Variants in ARMH4 observed in about 807,000 individuals in gnomAD.
ARMH4 encodes armadillo-like helical domain-containing protein 4.
A neutral mutation model predicts 61.9 loss-of-function variants in ARMH4; 49 were observed. The ratio of observed to expected loss-of-function variants is 0.79; its 90% CI spans 0.63 to 1.00. ARMH4 has a LOEUF of 1.00. ARMH4 is among the 50% of genes least tolerant of loss of function. The pLI, the probability that ARMH4 is intolerant of heterozygous loss-of-function variation, is 0.00. For missense variants in ARMH4, 934 were observed against 930.0 expected (o/e 1.00, Z -0.06); for synonymous variants, 368 against 341.5 (o/e 1.08, Z -0.85).
intron 5 of ARMH4, among the ~76,000 whole-genome samples, chr14:58,023,859 A>G (rs1882930207): frequency 6.6e-6 from 1 of 152,234 alleles, no homozygotes; most frequent in African/African-American, 2.4e-5. Flanking sequence ...TTCTTGGGTA[A>G]CTAGGTACAT....
At chr14:58,140,181 G>A (rs948343181) in intron 1 of ARMH4, among the ~76,000 whole-genome samples, 8 of 151,118 alleles carry the variant, frequency 5.3e-5, no homozygotes, top group African/African-American at 1.7e-4. Context: ...AGACTGAGGC[G>A]AGAGAATCGC....
chr14:58,131,677 C>G lies in ARMH4; in HGVS notation c.1666G>C (p.Val556Leu), dbSNP rs779132277. ...GGAGGTGTCACTGGAGATCCCAGAACTGGTGTGAACTCCTCATTTGGCCCT... is the reference window on the plus strand; with the variant it reads ...GGAGGTGTCACTGGAGATCCCAGAAGTGGTGTGAACTCCTCATTTGGCCCT... The part of the protein sequence containing the change: ...VTGPNEEFTP[V>L]LGSPVTPPGI... The change falls in exon 4 of 8, where the codon GTT (valine) becomes CTT (leucine). Residue 556 changes from valine to leucine, a missense_variant. Val to Leu is a conservative substitution (Grantham distance 32). Transcript: ENST00000267485. 1 of 1,613,670 alleles carries G rather than the reference C, an allele frequency of 6.2e-7. No homozygotes were observed.
At chr14:58,092,351 C>T (rs896316775) in intron 5 of ARMH4, among the ~76,000 whole-genome samples, 1 of 152,300 alleles carries the variant, frequency 6.6e-6, no homozygotes, top group Non-Finnish European at 1.5e-5. Flanking sequence ...AAAAAGTATA[C>T]GTAATTTTAC....
intron 5 of ARMH4, among the ~76,000 whole-genome samples, chr14:58,074,517 A>C (rs767784247): frequency 1.7e-4 from 26 of 151,782 alleles, no homozygotes; most frequent in Non-Finnish European, 3.1e-4. Flanking sequence ...AAGTCTAGAC[A>C]ATCAACAAAA....
At chr14:58,041,697 T>C (rs1393928973) in intron 5 of ARMH4, among the ~76,000 whole-genome samples, 2 of 152,046 alleles carry the variant, frequency 1.3e-5, no homozygotes, top group Middle Eastern at 3.4e-3. Context: ...ATTCAGGAAA[T>C]CCATCTCATG....
intron 2 of ARMH4, among the ~76,000 whole-genome samples, chr14:58,137,486 C>T (rs1269515083): frequency 7.7e-6 from 1 of 130,244 alleles, no homozygotes; most frequent in Non-Finnish European, 1.9e-5. Flanking sequence ...CAACCTCCGC[C>T]TTCCCAGGTT....
chr14:58,022,930 T>C (rs971721148), intron 5 of ARMH4, among the ~76,000 whole-genome samples: 3 of 152,244 alleles, frequency 2.0e-5, no homozygotes, highest in Middle Eastern at 3.2e-3. Flanking sequence ...ATTTGCACTA[T>C]AGTATAGTCT....
chr14:58,137,978 T>G lies in ARMH4; in HGVS notation c.1369+12A>C, dbSNP rs1478468554. ...TTAAACCAAAGTTTGTTTTTCTTTT[T>G]CTTTCTTTTACCTTTCATTGTATTT... On this transcript the variant is annotated intron_variant, in intron 2 of 7. Coordinates refer to ENST00000267485, the MANE Select transcript of ARMH4 (RefSeq NM_001001872.4). The G allele has an allele frequency of 3.3e-5, 52 of 1,566,194 alleles. No homozygotes were observed. The highest frequency in any genetic ancestry group is 4.4e-5 in the Non-Finnish European group (51 of 1,156,680).
In ARMH4 at chr14:58,133,152, A is replaced by T. The variant is rs763531636; in HGVS notation, c.1559T>A (p.Leu520Gln). 6.2e-7 allele frequency: 1 copy of T among 1,614,086 alleles called. No individual in the cohort carries two copies. The highest frequency in any genetic ancestry group is 8.5e-7 in the Non-Finnish European group (1 of 1,180,042). ...GACTGTAGTTGAAATTGTAGTGGCC[A>T]GAGGCTCCCATCTTCTTGACAGCTG... ...VTQLSRRWEP[L>Q]ATTISTTVVP... The change falls in exon 3 of 8, where the codon CTG (leucine) becomes CAG (glutamine). Residue 520 changes from leucine to glutamine, a missense_variant. Coordinates refer to ENST00000267485, the MANE Select transcript of ARMH4 (RefSeq NM_001001872.4).
intron 1 of ARMH4, among the ~76,000 whole-genome samples, chr14:58,145,062 T>C (rs1364488695): frequency 6.6e-6 from 1 of 152,210 alleles, no homozygotes; most frequent in Non-Finnish European, 1.5e-5. Flanking sequence ...CCTAAACAAA[T>C]ACTTTTTCTA....
intron 5 of ARMH4, among the ~76,000 whole-genome samples, chr14:58,087,032 A>G (rs8019367): frequency 0.43 from 65,283 of 152,004 alleles, 14,270 homozygotes; most frequent in Non-Finnish European, 0.47. Context: ...TAAATATACC[A>G]AGAGTATATA....
intron 6 of ARMH4, among the ~76,000 whole-genome samples, chr14:58,009,287 A>G (rs961602650): frequency 2.0e-5 from 3 of 152,160 alleles, no homozygotes; most frequent in African/African-American, 4.8e-5. Context: ...TAAGAATGAC[A>G]GTGCTTTTAT....
Position 58,004,914 on chromosome 14 carries a change from C to T in ARMH4, c.2257-110G>A. ...ACAAACGAAGCCAAGGCAGGAGCTACAGCAGCTAATCCAGACCACTGGGCA... is the reference window on the plus strand; with the variant it reads ...ACAAACGAAGCCAAGGCAGGAGCTATAGCAGCTAATCCAGACCACTGGGCA... On this transcript the variant is annotated intron_variant, in intron 7 of 7. Coordinates refer to ENST00000267485, the MANE Select transcript of ARMH4 (RefSeq NM_001001872.4). 2.0e-6 allele frequency: 3 copies of T among 1,515,782 alleles called. No individual in the cohort carries two copies. The South Asian group carries it at 3.5e-5, about 18-fold the overall frequency. The allele number at this position is 1,515,782 out of a possible 1,614,324, so 93.9% of individuals were successfully genotyped here.
At chr14:58,122,643 T>C (rs1299224593) in intron 4 of ARMH4, among the ~76,000 whole-genome samples, 1 of 152,064 alleles carries the variant, frequency 6.6e-6, no homozygotes, top group Non-Finnish European at 1.5e-5. Flanking sequence ...GCCACCGCTT[T>C]AGTCATGGCC....
chr14:58,034,209 C>G (rs1883379945), intron 5 of ARMH4, among the ~76,000 whole-genome samples: 1 of 136,486 alleles, frequency 7.3e-6, no homozygotes, highest in African/African-American at 2.8e-5. Flanking sequence ...GATCTCTCGG[C>G]AGAAACCCTA....
At chr14:58,040,649 G>C (rs978189145) in intron 5 of ARMH4, among the ~76,000 whole-genome samples, 1 of 152,102 alleles carries the variant, frequency 6.6e-6, no homozygotes, top group African/African-American at 2.4e-5. Context: ...CTTTATGATA[G>C]AATGATATAC....
intron 1 of ARMH4, among the ~76,000 whole-genome samples, chr14:58,151,241 T>C (rs577834495): frequency 1.3e-5 from 2 of 152,292 alleles, no homozygotes; most frequent in African/African-American, 2.4e-5. Flanking sequence ...CCCAAACTCT[T>C]AAGGGTCCTG....
chr14:58,114,637 T>C (rs1594765550), intron 4 of ARMH4, among the ~76,000 whole-genome samples: 1 of 152,174 alleles, frequency 6.6e-6, no homozygotes, highest in Non-Finnish European at 1.5e-5. Flanking sequence ...GAGTGAGAGT[T>C]TTTATTTGTT....
At chr14:58,116,468 A>G in intron 4 of ARMH4, 1 of 313,320 alleles carries the variant, frequency 3.2e-6, no homozygotes, top group Non-Finnish European at 6.7e-6. Flanking sequence ...TAAGCCCAGG[A>G]GTTTGAGACG....
Sources: allele counts gnomAD v4.1 joint callset (sites outside exome capture counted in the v4.1 genomes callset), GRCh38; gene constraint gnomAD v4.1.1; transcripts MANE v1.5; gene names NCBI Gene and HGNC (gene_info 2026-07-23, HGNC 2026-07-21).